The following STARD13 variants were observed in gnomAD, a reference collection of about 807,000 sequenced individuals.
STARD13 encodes stAR-related lipid transfer protein 13.
In STARD13, 62 loss-of-function variants were observed where a neutral mutation model predicts 106.4. The observed-to-expected ratio is 0.58, with a 90% CI of 0.48 to 0.72. STARD13 has a LOEUF of 0.72. Among genes scored for constraint, STARD13 ranks in the 30% least tolerant of loss-of-function variants. The pLI is 0.00. For missense variants in STARD13, 1,387 were observed against 1,424.0 expected (o/e 0.97, Z 0.42); for synonymous variants, 565 against 553.0 (o/e 1.02, Z -0.31).
At chr13:33,325,441 A>G (rs780167003) in intron 1 of STARD13, among the ~76,000 whole-genome samples, 1 of 152,226 alleles carries the variant, frequency 6.6e-6, no homozygotes, top group African/African-American at 2.4e-5. Flanking sequence ...CAAAATGAAC[A>G]TAAAGTCTTG....
chr13:33,187,973 C>A (rs968891660), intron 1 of STARD13, among the ~76,000 whole-genome samples: 1 of 152,222 alleles, frequency 6.6e-6, no homozygotes, highest in African/African-American at 2.4e-5. Context: ...ACATGAGCCA[C>A]TGCGCCCAAC....
chr13:33,333,995 A>G (rs2077866285), intron 1 of STARD13: 1 of 152,220 alleles, frequency 6.6e-6, no homozygotes, highest in African/African-American at 2.4e-5. Flanking sequence ...TCTAAAATGA[A>G]TGACTTGGAC....
the STARD13 span, among the ~76,000 whole-genome samples, chr13:33,507,742 T>A: frequency 6.6e-6 from 1 of 152,184 alleles, no homozygotes; most frequent in South Asian, 2.1e-4. Flanking sequence ...CAAGCACATA[T>A]TTTATATGTT....
intron 3 of STARD13, among the ~76,000 whole-genome samples, chr13:33,142,793 G>A (rs1880009629): frequency 6.6e-6 from 1 of 152,174 alleles, no homozygotes; most frequent in Non-Finnish European, 1.5e-5. Context: ...TCAGGTGGTT[G>A]GGTATAGGTA....
At chr13:33,402,246 C>T in the STARD13 span, among the ~76,000 whole-genome samples, 1 of 152,178 alleles carries the variant, frequency 6.6e-6, no homozygotes, top group Non-Finnish European at 1.5e-5. Flanking sequence ...ATAGCAATGA[C>T]ACCAGAAAAG....
the STARD13 span, among the ~76,000 whole-genome samples, chr13:33,422,539 A>C: frequency 6.6e-6 from 1 of 152,200 alleles, no homozygotes; most frequent in East Asian, 1.9e-4. Context: ...TATAGATTCA[A>C]TGCCATCCCC....
chr13:33,376,353 G>A, the STARD13 span, among the ~76,000 whole-genome samples: 5 of 152,192 alleles, frequency 3.3e-5, no homozygotes, highest in South Asian at 6.2e-4. Context: ...TCCTCCTGTA[G>A]TTTATGACTT....
chr13:33,528,733 A>G, the STARD13 span, among the ~76,000 whole-genome samples: 2 of 152,056 alleles, frequency 1.3e-5, no homozygotes, highest in Non-Finnish European at 2.9e-5. Flanking sequence ...CATACTTCCT[A>G]GTGCTGGTCA....
At chr13:33,649,609 G>A in the STARD13 span, among the ~76,000 whole-genome samples, 1 of 152,072 alleles carries the variant, frequency 6.6e-6, no homozygotes, top group Non-Finnish European at 1.5e-5. Context: ...CACATGATAG[G>A]TTCAAAATAA....
the STARD13 span, among the ~76,000 whole-genome samples, chr13:33,517,762 T>C: frequency 6.6e-6 from 1 of 152,178 alleles, no homozygotes; most frequent in Non-Finnish European, 1.5e-5. Flanking sequence ...CTCTTGCAAT[T>C]GTGATTTGCC....
the STARD13 span, among the ~76,000 whole-genome samples, chr13:33,627,636 CA>C: frequency 0.1 from 11,091 of 109,894 alleles, 388 homozygotes; most frequent in African/African-American, 0.12. Flanking sequence ...GACTCCATCT[CA>C]AAAAAAAAAA....
intron 1 of STARD13, among the ~76,000 whole-genome samples, chr13:33,266,334 C>T (rs1039390683): frequency 6.6e-6 from 1 of 152,220 alleles, no homozygotes; most frequent in Non-Finnish European, 1.5e-5. Context: ...TGCTCAACCA[C>T]GATGACTATA....
chr13:33,129,626 G>A lies in STARD13; in HGVS notation c.1051C>T (p.Arg351Cys), dbSNP rs776158055. The change falls in exon 5 of 14, where the codon CGC becomes TGC. Residue 351 changes from arginine to cysteine, a missense_variant. Coordinates refer to ENST00000336934, the MANE Select transcript of STARD13 (RefSeq NM_178006.4). ...CGCTTGTTGGCCTCGTGGCACTTGCGTTCCTTCAGGCAGGGCGTGCTCACC... is the reference window on the plus strand; with the variant it reads ...CGCTTGTTGGCCTCGTGGCACTTGCATTCCTTCAGGCAGGGCGTGCTCACC... ...SGVSTPCLKE[R>C]KCHEANKRGG... The A allele has an allele frequency of 2.7e-5, 44 of 1,613,820 alleles. No individual in the cohort carries two copies. Among genetic ancestry groups the A allele is most frequent in the African/African-American group, 1.9e-4 (14 of 74,912 alleles).
intron 1 of STARD13, among the ~76,000 whole-genome samples, chr13:33,284,761 A>T (rs1241320119): frequency 6.6e-6 from 1 of 151,940 alleles, no homozygotes; most frequent in African/African-American, 2.4e-5. Flanking sequence ...AAATTTTAGT[A>T]ATGTCCAGAC....
At position 33,111,007 on chromosome 13, in the gene STARD13, A is replaced by C; in HGVS notation, c.2608-100T>G. The C allele has an allele frequency of 5.7e-6, 6 of 1,058,436 alleles. No homozygotes were observed. In the South Asian group the frequency reaches 6.9e-5, roughly 12 times the overall value. 65.6% of individuals were successfully genotyped at this position (1,058,436 alleles called of 1,614,324 possible). A position where few individuals can be genotyped will look rare whatever the true frequency, so the allele number is the denominator to read the frequency against. ...TTCACCCACAACCCGGCTCTGAGCC[A>C]CGGGCCGAGGGCCACACGGCCAGAG... On this transcript the variant is annotated intron_variant, in intron 10 of 13. Coordinates refer to ENST00000336934, the MANE Select transcript of STARD13 (RefSeq NM_178006.4).
At chr13:33,377,874 GA>G in the STARD13 span, among the ~76,000 whole-genome samples, 1 of 152,114 alleles carries the variant, frequency 6.6e-6, no homozygotes, top group South Asian at 2.1e-4. Flanking sequence ...AACAGGAATT[GA>G]TTGAATGGGT....
chr13:33,453,448 A>T, the STARD13 span, among the ~76,000 whole-genome samples: 1 of 152,258 alleles, frequency 6.6e-6, no homozygotes, highest in Non-Finnish European at 1.5e-5. Context: ...AAGAAATAAA[A>T]ATGACTCTTA....
the STARD13 span, among the ~76,000 whole-genome samples, chr13:33,387,784 C>A: frequency 6.6e-6 from 1 of 152,330 alleles, no homozygotes; most frequent in African/African-American, 2.4e-5. Flanking sequence ...GGGCCTCTAT[C>A]CCCTGTATAG....
At chr13:33,357,877 T>C in the STARD13 span, among the ~76,000 whole-genome samples, 3 of 152,220 alleles carry the variant, frequency 2.0e-5, no homozygotes, top group Admixed American at 6.5e-5. Flanking sequence ...CTCACTTTGG[T>C]GGCATTTGAG....
Sources: gnomAD v4.1 joint callset for allele counts (sites outside exome capture counted in the v4.1 genomes callset) on GRCh38, gnomAD v4.1.1 for gene constraint, MANE v1.5 for transcripts, NCBI Gene and HGNC (gene_info 2026-07-23, HGNC 2026-07-21) for gene names.